The following SLC41A3 variants were observed in gnomAD, a reference collection of about 807,000 sequenced individuals.
SLC41A3 encodes the protein SLC41A1-like 2.
Under a neutral mutation model 45.4 loss-of-function variants are expected in SLC41A3, and 44 were observed. The ratio of observed to expected loss-of-function variants is 0.97; its 90% CI spans 0.76 to 1.25. The LOEUF is 1.25. Ranked by LOEUF, SLC41A3 falls within the 50% of genes most tolerant of loss-of-function variation. SLC41A3 has a pLI of 0.00. For missense variants in SLC41A3, 550 were observed against 600.6 expected (o/e 0.92, Z 0.88); for synonymous variants, 256 against 252.4 (o/e 1.01, Z -0.13).
intron 1 of SLC41A3, among the ~76,000 whole-genome samples, chr3:126,072,774 T>C (rs1944688260): frequency 6.6e-6 from 1 of 152,204 alleles, no homozygotes; most frequent in Non-Finnish European, 1.5e-5. Flanking sequence ...ATTGGGTGTA[T>C]ACCCAAAGAA....
At chr3:126,081,988 C>A (rs1196138560) in intron 1 of SLC41A3, among the ~76,000 whole-genome samples, 1 of 152,248 alleles carries the variant, frequency 6.6e-6, no homozygotes, top group Non-Finnish European at 1.5e-5. Flanking sequence ...CCTCACTGTG[C>A]CTGCACATGG....
intron 2 of SLC41A3, among the ~76,000 whole-genome samples, chr3:126,065,581 T>A (rs984129052): frequency 6.6e-6 from 1 of 152,114 alleles, no homozygotes; most frequent in Non-Finnish European, 1.5e-5. Flanking sequence ...TGGGAACACA[T>A]CCCTAGTCTC....
rs1415934866 is a variant in SLC41A3, at chr3:126,016,717, T to C, written c.890+14A>G. The C allele has an allele frequency of 6.2e-7, 1 of 1,600,350 alleles. No homozygotes were observed. The highest frequency in any genetic ancestry group is 8.5e-7 in the Non-Finnish European group (1 of 1,174,880). Reference sequence around the variant, plus strand: ...AGAGGAGGAAGAGGGGCCGTGGCCCTGGCTCCTGCTCACCTGCTGATGACC... The same window carrying C: ...AGAGGAGGAAGAGGGGCCGTGGCCCCGGCTCCTGCTCACCTGCTGATGACC... On this transcript the variant is annotated intron_variant, in intron 7 of 10. Transcript: ENST00000360370.
chr3:126,007,282 C>T, intron 10 of SLC41A3, 57 bp from the exon 11 acceptor site: 1 of 1,568,932 alleles, frequency 6.4e-7, no homozygotes, highest in South Asian at 1.2e-5. Context: ...CAAGTACAGG[C>T]AGGAAGCACT....
chr3:126,063,956 C>CCCCCCCCG (rs1002674529), intron 2 of SLC41A3, among the ~76,000 whole-genome samples: 2 of 142,098 alleles, frequency 1.4e-5, no homozygotes, highest in African/African-American at 2.5e-5. Context: ...CCAACCCCCC[C>CCCCCCCCG]CCGGGGACAC....
At chr3:126,007,981 A>ACTG (rs1559799629) in intron 10 of SLC41A3, among the ~76,000 whole-genome samples, 2 of 152,194 alleles carry the variant, frequency 1.3e-5, no homozygotes. Context: ...CACCATGCTT[A>ACTG]CTGCTGTCCA....
At chr3:126,069,255 AGGCTGG>A (rs1944502666) in intron 1 of SLC41A3, among the ~76,000 whole-genome samples, 1 of 152,008 alleles carries the variant, frequency 6.6e-6, no homozygotes, top group African/African-American at 2.4e-5. Flanking sequence ...CAGCAGGTAA[AGGCTGG>A]GGAGGCTCTG....
chr3:126,086,988 G>A (rs1945407702), upstream of SLC41A3, among the ~76,000 whole-genome samples: 1 of 152,016 alleles, frequency 6.6e-6, no homozygotes. Flanking sequence ...TAAATAAACT[G>A]TCTTTAAAAT....
intron 9 of SLC41A3, among the ~76,000 whole-genome samples, chr3:126,009,261 T>C (rs891409284): frequency 1.3e-5 from 2 of 152,088 alleles, no homozygotes; most frequent in Non-Finnish European, 2.9e-5. Context: ...GGAGAGGAGT[T>C]TGAGCAGAGA....
intron 4 of SLC41A3, among the ~76,000 whole-genome samples, chr3:126,031,857 A>T (rs1200843555): frequency 6.6e-6 from 1 of 152,212 alleles, no homozygotes. Flanking sequence ...CCAGCATCTC[A>T]TTCAACTCTG....
chr3:126,095,447 TA>T (rs1945580273), intron 1 of SLC41A3: 1 of 484,880 alleles, frequency 2.1e-6, no homozygotes, highest in Non-Finnish European at 3.6e-6. Flanking sequence ...ATGAGTAATT[TA>T]ATAGTAGCTA....
At position 126,054,656 on chromosome 3, in the gene SLC41A3, CATT is replaced by C. The variant is rs1576319550; in HGVS notation, c.274-3609_274-3607del. ...TTTCAGGGCATCCTGGAAATTGCTACATTACCTTTAAAGTCCAAATCAAATTGT... is the reference window on the plus strand; with the variant it reads ...TTTCAGGGCATCCTGGAAATTGCTACACCTTTAAAGTCCAAATCAAATTGT... On this transcript the variant is annotated intron_variant, in intron 2 of 10. Transcript: ENST00000360370. Among the ~76,000 whole-genome samples the C allele has an allele frequency of 2.3e-5, 3 of 129,030 alleles. No individual in the cohort carries two copies. The East Asian group carries it at 8.6e-4, about 37-fold the overall frequency. 84.6% of individuals were successfully genotyped at this position (129,030 alleles called of 152,430 possible).
At chr3:126,085,152 C>T (rs537800049), upstream of SLC41A3, among the ~76,000 whole-genome samples, 1 of 152,310 alleles carries the variant, frequency 6.6e-6, no homozygotes, top group East Asian at 1.9e-4. Context: ...CACCCTCCCC[C>T]TCTTTGAGTT....
intron 4 of SLC41A3, among the ~76,000 whole-genome samples, chr3:126,030,025 C>A (rs1212410459): frequency 6.8e-6 from 1 of 146,674 alleles, no homozygotes; most frequent in South Asian, 2.3e-4. Context: ...TGGGTCCCTA[C>A]TTCATACCAT....
intron 4 of SLC41A3, among the ~76,000 whole-genome samples, chr3:126,031,179 T>C (rs1366123295): frequency 6.6e-6 from 1 of 152,216 alleles, no homozygotes; most frequent in Non-Finnish European, 1.5e-5. Context: ...TAGAAGAACA[T>C]TTTCAATGCT....
intron 6 of SLC41A3, among the ~76,000 whole-genome samples, chr3:126,020,249 C>T (rs779965482): frequency 6.6e-6 from 1 of 152,110 alleles, no homozygotes; most frequent in Non-Finnish European, 1.5e-5. Flanking sequence ...CAAGCTCATG[C>T]CCTGGGCCTG....
chr3:126,034,943 G>A (rs1197412504), intron 3 of SLC41A3, among the ~76,000 whole-genome samples: 1 of 152,234 alleles, frequency 6.6e-6, no homozygotes, highest in Non-Finnish European at 1.5e-5. Context: ...GTGGCAGCCT[G>A]GCCCTTGCTG....
chr3:126,059,116 C>T (rs1943854338), intron 2 of SLC41A3, among the ~76,000 whole-genome samples: 1 of 151,224 alleles, frequency 6.6e-6, no homozygotes, highest in Admixed American at 6.6e-5. Context: ...GGGGCTTCTC[C>T]ATGGCTCCAT....
At chr3:126,049,865 C>T (rs922387308) in intron 3 of SLC41A3, among the ~76,000 whole-genome samples, 6 of 152,208 alleles carry the variant, frequency 3.9e-5, no homozygotes, top group South Asian at 2.1e-4. Flanking sequence ...GAATCTGTTT[C>T]CTTCTCTTTC....
Sources: allele counts gnomAD v4.1 joint callset (sites outside exome capture counted in the v4.1 genomes callset), GRCh38; gene constraint gnomAD v4.1.1; transcripts MANE v1.5; gene names NCBI Gene and HGNC (gene_info 2026-07-23, HGNC 2026-07-21).